TNIP3: variants seen among roughly 807,000 people sequenced by gnomAD.
TNIP3 encodes the protein TNFAIP3-interacting protein 3.
Under a neutral mutation model 54.1 loss-of-function variants are expected in TNIP3, and 34 were observed. That is an observed-to-expected ratio of 0.63 (90% CI 0.48 to 0.84). The LOEUF is 0.84. Among genes scored for constraint, TNIP3 ranks in the 40% least tolerant of loss-of-function variants. TNIP3 has a pLI of 0.00. For missense variants in TNIP3, 366 were observed against 387.6 expected, an observed-to-expected ratio of 0.94 and a Z score of 0.47; for synonymous variants, 134 against 136.8, an observed-to-expected ratio of 0.98 and a Z score of 0.14.
intron 1 of TNIP3, among the ~76,000 whole-genome samples, chr4:121,161,648 A>T (rs1311803926): frequency 6.6e-6 from 1 of 152,184 alleles, no homozygotes; most frequent in African/African-American, 2.4e-5. Context: ...CATGTATGTG[A>T]GTAATATTCT....
At chr4:121,134,188 A>G (rs575096476) in intron 10 of TNIP3, among the ~76,000 whole-genome samples, 1 of 152,298 alleles carries the variant, frequency 6.6e-6, no homozygotes, top group South Asian at 2.1e-4. Context: ...ACATCCCTAC[A>G]TTTTATGCCT....
At chr4:121,186,997 G>A (rs989624505) in intron 2 of TNIP3, among the ~76,000 whole-genome samples, 1 of 151,798 alleles carries the variant, frequency 6.6e-6, no homozygotes, top group Non-Finnish European at 1.5e-5. Context: ...CATAAATTTC[G>A]ATTTGACCTA....
intron 6 of TNIP3, among the ~76,000 whole-genome samples, chr4:121,148,500 A>G (rs1429211258): frequency 6.6e-6 from 1 of 152,232 alleles, no homozygotes; most frequent in Admixed American, 6.5e-5. Context: ...TGTTTTGAAC[A>G]TAAGCAGTGC....
At chr4:121,190,981 G>A (rs930736592) in intron 2 of TNIP3, among the ~76,000 whole-genome samples, 88 of 152,122 alleles carry the variant, frequency 5.8e-4, no homozygotes, top group African/African-American at 2.0e-3. Context: ...TTATTCCAAA[G>A]TTGAAAATTA....
chr4:121,178,649 C>T (rs1390740669), intron 3 of TNIP3, among the ~76,000 whole-genome samples: 1 of 152,176 alleles, frequency 6.6e-6, no homozygotes, highest in African/African-American at 2.4e-5. Flanking sequence ...TAGTAGCTTC[C>T]ATACAAGAAC....
At chr4:121,162,296 T>C (rs1334365844) in intron 1 of TNIP3, among the ~76,000 whole-genome samples, 1 of 152,228 alleles carries the variant, frequency 6.6e-6, no homozygotes, top group Non-Finnish European at 1.5e-5. Flanking sequence ...TGATGGTATT[T>C]TAAGTAAGCA....
upstream of TNIP3, among the ~76,000 whole-genome samples, chr4:121,216,804 A>G (rs1189696356): frequency 6.6e-6 from 1 of 152,206 alleles, no homozygotes; most frequent in Non-Finnish European, 1.5e-5. Flanking sequence ...ACATTCTAAT[A>G]CATAGAGCAT....
intron 10 of TNIP3, among the ~76,000 whole-genome samples, chr4:121,135,001 A>G (rs1050192907): frequency 6.6e-6 from 1 of 151,886 alleles, no homozygotes; most frequent in Non-Finnish European, 1.5e-5. Flanking sequence ...GTGTATGGAC[A>G]AGGGTGGGAT....
At chr4:121,215,763 T>A (rs1219780783) in intron 2 of TNIP3, among the ~76,000 whole-genome samples, 1 of 152,050 alleles carries the variant, frequency 6.6e-6, no homozygotes, top group Non-Finnish European at 1.5e-5. Context: ...ATATGATGCT[T>A]AGGCATCTGC....
chr4:121,176,531 T>C (rs1410306734), intron 3 of TNIP3, among the ~76,000 whole-genome samples: 1 of 151,870 alleles, frequency 6.6e-6, no homozygotes, highest in African/African-American at 2.4e-5. Flanking sequence ...ATGATGATGA[T>C]GATGATGATG....
chr4:121,156,470 T>A (rs569010068), intron 4 of TNIP3, among the ~76,000 whole-genome samples: 1 of 152,228 alleles, frequency 6.6e-6, no homozygotes, highest in South Asian at 2.1e-4. Flanking sequence ...AATCTGGAGG[T>A]TGGGTTCAAG....
intron 2 of TNIP3, among the ~76,000 whole-genome samples, chr4:121,205,935 G>A (rs1377061491): frequency 3.9e-5 from 6 of 152,148 alleles, no homozygotes; most frequent in Admixed American, 3.9e-4. Context: ...AGGCGAAGGG[G>A]AAGAAAGGCA....
At chr4:121,134,969 G>A (rs1728692187) in intron 10 of TNIP3, among the ~76,000 whole-genome samples, 1 of 152,188 alleles carries the variant, frequency 6.6e-6, no homozygotes, top group Admixed American at 6.5e-5. Context: ...TCGAAAGAGT[G>A]TTGTGTGTAG....
At chr4:121,224,978 C>T (rs1727197758) in intron 1 of TNIP3, among the ~76,000 whole-genome samples, 1 of 152,034 alleles carries the variant, frequency 6.6e-6, no homozygotes, top group African/African-American at 2.4e-5. Context: ...ATCTATATAT[C>T]TATATTTATT....
chr4:121,158,345 A>T (rs891767392), intron 3 of TNIP3, among the ~76,000 whole-genome samples: 1 of 152,212 alleles, frequency 6.6e-6, no homozygotes, highest in African/African-American at 2.4e-5. Context: ...TTTAAACCAT[A>T]TCTCACCTCA....
At position 121,209,142 on chromosome 4, in the gene TNIP3, G is replaced by C. The variant is rs150652556; in HGVS notation, c.68+7273C>G. Among the ~76,000 whole-genome samples the C allele has an allele frequency of 2.3e-3, 357 of 152,316 alleles. 1 individual carries two copies. The highest frequency in any genetic ancestry group is 8.3e-3 in the African/African-American group (347 of 41,564). On this transcript the variant is annotated intron_variant, in intron 2 of 12. Transcript: ENST00000507879. ...CTGGGAAGATGGCAGGTTTGTTAAG[G>C]GCGAGGACGCTGTGTGACAGCATCC...
At chr4:121,211,848 G>A (rs745762357) in intron 2 of TNIP3, among the ~76,000 whole-genome samples, 1 of 152,160 alleles carries the variant, frequency 6.6e-6, no homozygotes, top group Non-Finnish European at 1.5e-5. Context: ...TCATTCAGCT[G>A]GCTGCAGGTT....
intron 2 of TNIP3, among the ~76,000 whole-genome samples, chr4:121,183,562 G>A (rs752274893): frequency 3.3e-5 from 5 of 152,206 alleles, no homozygotes; most frequent in Non-Finnish European, 5.9e-5. Context: ...AGCAGGAAGC[G>A]AGAGGCAGGC....
chr4:121,194,183 T>A (rs1252730225), intron 2 of TNIP3, among the ~76,000 whole-genome samples: 3 of 152,164 alleles, frequency 2.0e-5, no homozygotes, highest in East Asian at 3.8e-4. Context: ...TACTAAATCA[T>A]CCAGTGGTAC....
Sources: allele counts gnomAD v4.1 joint callset (sites outside exome capture counted in the v4.1 genomes callset), GRCh38; gene constraint gnomAD v4.1.1; transcripts MANE v1.5; gene names NCBI Gene and HGNC (gene_info 2026-07-23, HGNC 2026-07-21).